The following AIG1 variants were observed in gnomAD, a reference collection of about 807,000 sequenced individuals.
AIG1 encodes androgen-induced gene 1 protein.
Under a neutral mutation model 31.4 loss-of-function variants are expected in AIG1, and 23 were observed. The ratio of observed to expected loss-of-function variants is 0.73; its 90% CI spans 0.53 to 1.04. AIG1 has a LOEUF of 1.04. Among genes scored for constraint, AIG1 ranks in the 50% least tolerant of loss-of-function variants. AIG1 has a pLI of 0.00. For synonymous variants in AIG1, 100 were observed against 110.5 expected, an observed-to-expected ratio of 0.90 and a Z score of 0.60; for missense variants, 274 against 295.0, an observed-to-expected ratio of 0.93 and a Z score of 0.52.
intron 1 of AIG1, among the ~76,000 whole-genome samples, chr6:143,071,299 C>T (rs1313406517): frequency 2.0e-5 from 3 of 152,152 alleles, no homozygotes; most frequent in Non-Finnish European, 4.4e-5. Flanking sequence ...AGTAGTATTA[C>T]ATAGTATGCA....
At chr6:143,225,954 C>T (rs1319418282) in intron 3 of AIG1, among the ~76,000 whole-genome samples, 2 of 152,034 alleles carry the variant, frequency 1.3e-5, no homozygotes, top group Non-Finnish European at 2.9e-5. Flanking sequence ...TTAAATAGCA[C>T]ATCTGTGACT....
intron 3 of AIG1, among the ~76,000 whole-genome samples, chr6:143,187,058 T>G (rs537713573): frequency 3.4e-4 from 52 of 152,304 alleles, no homozygotes; most frequent in African/African-American, 1.1e-3. Context: ...AACTAGCAAG[T>G]TAGTGTCAAT....
intron 2 of AIG1, among the ~76,000 whole-genome samples, chr6:143,160,806 G>A (rs1211811654): frequency 6.6e-6 from 1 of 152,190 alleles, no homozygotes; most frequent in Non-Finnish European, 1.5e-5. Context: ...TTATTTAGAA[G>A]ACTGATTACT....
rs1797193351 is a variant in AIG1, at chr6:143,279,527, A to G, written c.400-4583A>G. ...CTTCCGAGTCTTCACATCAGAATTA[A>G]TCATGGGTCCTTCCGTGAATCCAGC... On this transcript the variant is annotated intron_variant, in intron 3 of 5. Transcript: ENST00000357847. This position sits in a 1 kb window ranked among gnomAD's most constrained non-coding sequence, Gnocchi z 5.4. 6.6e-6 allele frequency among the ~76,000 whole-genome samples: 1 copy of G among 152,172 alleles called. No individual in the cohort carries two copies. Among genetic ancestry groups the G allele is most frequent in the Non-Finnish European group, 1.5e-5 (1 of 68,036 alleles).
At chr6:143,188,159 G>C in intron 3 of AIG1, 1 of 999,520 alleles carries the variant, frequency 1.0e-6, no homozygotes, top group Non-Finnish European at 1.2e-6. Flanking sequence ...ATAGAGAAAA[G>C]ATGGGAGGAA....
chr6:143,190,581 C>A, intron 3 of AIG1: 1 of 985,374 alleles, frequency 1.0e-6, no homozygotes, highest in Non-Finnish European at 1.2e-6. Context: ...AACTATGAAG[C>A]ATTTTCTTAC....
chr6:143,138,024 T>C (rs1783909963), intron 2 of AIG1, among the ~76,000 whole-genome samples: 1 of 152,228 alleles, frequency 6.6e-6, no homozygotes, highest in Non-Finnish European at 1.5e-5. Context: ...ACATGCTTGC[T>C]TTAAGACCAA....
chr6:143,163,996 C>G (rs1786674244), intron 2 of AIG1, among the ~76,000 whole-genome samples: 1 of 152,172 alleles, frequency 6.6e-6, no homozygotes, highest in Non-Finnish European at 1.5e-5. Flanking sequence ...TACCTGCCAC[C>G]TACAACCACT....
At chr6:143,149,687 T>C (rs975038617) in intron 2 of AIG1, among the ~76,000 whole-genome samples, 2 of 152,200 alleles carry the variant, frequency 1.3e-5, no homozygotes, top group Non-Finnish European at 2.9e-5. Flanking sequence ...TGTTTCACAC[T>C]GTAGAGCCAA....
intron 1 of AIG1, among the ~76,000 whole-genome samples, chr6:143,108,505 G>A (rs907412447): frequency 6.6e-6 from 1 of 152,162 alleles, no homozygotes; most frequent in Admixed American, 6.5e-5. Context: ...AAAAACAGAA[G>A]GGCAGTTTGC....
At position 143,334,980 on chromosome 6, in the gene AIG1, GAT is replaced by G; in HGVS notation, c.679+1536_679+1537del. ...ATAATGAAATTAAGGTTTTTTGAAT[GAT>G]TTGTTTAATTTATGCCATTCTTTTA... On this transcript the variant is annotated intron_variant, in intron 5 of 5. Coordinates refer to ENST00000357847, the MANE Select transcript of AIG1 (RefSeq NM_016108.4). This position sits in a 1 kb window ranked among gnomAD's most constrained non-coding sequence, Gnocchi z 5.1. The G allele has an allele frequency of 1.1e-6, 1 of 891,988 alleles. No individual in the cohort carries two copies. The highest frequency in any genetic ancestry group is 1.6e-6 in the Non-Finnish European group (1 of 633,736). The allele number at this position is 891,988 out of a possible 1,614,324, so 55.3% of individuals were successfully genotyped here. A position where few individuals can be genotyped will look rare whatever the true frequency, so the allele number is the denominator to read the frequency against.
chr6:143,328,516 T>C lies in AIG1; in HGVS notation c.516-4766T>C, dbSNP rs1422804852. Among the ~76,000 whole-genome samples the C allele has an allele frequency of 1.3e-5, 2 of 152,238 alleles. No individual in the cohort carries two copies. The highest frequency in any genetic ancestry group is 6.5e-5 in the Admixed American group (1 of 15,286). On this transcript the variant is annotated intron_variant, in intron 4 of 5. Coordinates refer to ENST00000357847, the MANE Select transcript of AIG1 (RefSeq NM_016108.4). This position sits in a 1 kb window ranked among gnomAD's most constrained non-coding sequence, Gnocchi z 4.0. ...ACGCCTACACTTACCCTTTCTTAAT[T>C]CTGACTACACTTGTAATTCTTAATT...
intron 1 of AIG1, among the ~76,000 whole-genome samples, chr6:143,068,526 A>G (rs2128459488): frequency 6.6e-6 from 1 of 152,360 alleles, no homozygotes; most frequent in East Asian, 1.9e-4. Context: ...TGGAATTCTG[A>G]AAAGTCAGAC....
At chr6:143,290,539 C>T (rs56777119) in intron 4 of AIG1, among the ~76,000 whole-genome samples, 23,375 of 152,150 alleles carry the variant, frequency 0.15, 1,940 homozygotes, top group East Asian at 0.36. Context: ...CAATTAAACT[C>T]CACCATTTTT....
chr6:143,142,384 T>C (rs1039931018), intron 2 of AIG1, among the ~76,000 whole-genome samples: 3 of 152,194 alleles, frequency 2.0e-5, no homozygotes, highest in Non-Finnish European at 4.4e-5. Context: ...ATTATACATT[T>C]TTTATTCATT....
chr6:143,267,222 C>T (rs928393271), intron 3 of AIG1, among the ~76,000 whole-genome samples: 6 of 152,162 alleles, frequency 3.9e-5, no homozygotes, highest in African/African-American at 1.4e-4. Context: ...AGGAAAGGGT[C>T]CTCTGAAGCC....
intron 1 of AIG1, among the ~76,000 whole-genome samples, chr6:143,136,135 G>A (rs1416773808): frequency 6.6e-6 from 1 of 152,106 alleles, no homozygotes; most frequent in Non-Finnish European, 1.5e-5. Flanking sequence ...TAGAGAAATT[G>A]TATGGGTATC....
intron 1 of AIG1, among the ~76,000 whole-genome samples, chr6:143,116,455 T>G (rs1365389808): frequency 6.6e-6 from 1 of 151,762 alleles, no homozygotes; most frequent in Non-Finnish European, 1.5e-5. Flanking sequence ...GGGAATAAAA[T>G]ATACAAAAAT....
rs539663570 is a variant in AIG1 at position 143,277,630 on chromosome 6, C to T, written c.400-6480C>T. On this transcript the variant is annotated intron_variant, in intron 3 of 5. Transcript: ENST00000357847. ...TGCACACATAACTGTGCAAACACTT[C>T]CAGAGGCCTGCCTGTATCCTACAGG... Among the ~76,000 whole-genome samples the T allele has an allele frequency of 3.3e-5, 5 of 152,336 alleles. No homozygotes were observed. The South Asian group carries it at 8.3e-4, about 25-fold the overall frequency.
Sources: allele counts gnomAD v4.1 joint callset (sites outside exome capture counted in the v4.1 genomes callset), GRCh38; gene constraint gnomAD v4.1.1; non-coding constraint Gnocchi (gnomAD v3.1); transcripts MANE v1.5; gene names NCBI Gene and HGNC (gene_info 2026-07-23, HGNC 2026-07-21).